Variants in TMEM163 observed in about 807,000 individuals in gnomAD.
The protein encoded by TMEM163 is transmembrane protein 163.
TMEM163 carries 17 observed loss-of-function variants against 29.3 expected under a neutral mutation model. The observed-to-expected ratio is 0.58, with a 90% CI of 0.40 to 0.87. The LOEUF is 0.87. Ranked by LOEUF, TMEM163 falls within the 40% of genes least tolerant of loss-of-function variation. The probability of loss-of-function intolerance (pLI) is 0.00; values close to 1 mark genes in which losing one functional copy is unlikely to be tolerated. For missense variants in TMEM163, 303 were observed against 381.5 expected (o/e 0.79, Z 1.71); for synonymous variants, 157 against 160.6 (o/e 0.98, Z 0.17).
intron 2 of TMEM163, among the ~76,000 whole-genome samples, chr2:134,692,002 A>C (rs1684479427): frequency 6.6e-6 from 1 of 152,262 alleles, no homozygotes; most frequent in East Asian, 1.9e-4. Flanking sequence ...GATGACCCTG[A>C]GTTATCCAGG....
At position 134,648,506 on chromosome 2, in the gene TMEM163, C is replaced by A. The variant is rs530972104; in HGVS notation, c.322+64694G>T. ...TTGAGGGTGGGGTGGTTGCTGGGGA[C>A]CCACCCTCTTCTGCCCAGAATTTCC... On this transcript the variant is annotated intron_variant, in intron 2 of 7. Coordinates refer to ENST00000281924, the MANE Select transcript of TMEM163 (RefSeq NM_030923.5). Among the ~76,000 whole-genome samples the A allele has an allele frequency of 2.0e-5, 3 of 152,140 alleles. No individual in the cohort carries two copies. In the East Asian group the frequency reaches 5.8e-4, roughly 29 times the overall value.
chr2:134,690,823 C>CTAATACTAGCAAAATGCAAAAA (rs1684448828), intron 2 of TMEM163, among the ~76,000 whole-genome samples: 2 of 152,286 alleles, frequency 1.3e-5, no homozygotes, highest in South Asian at 4.1e-4. Flanking sequence ...AGTGTAAAGC[C>CTAATACTAGCAAAATGCAAAAA]TAATACTAGC....
At chr2:134,643,372 C>T (rs1446685753) in intron 2 of TMEM163, among the ~76,000 whole-genome samples, 2 of 151,948 alleles carry the variant, frequency 1.3e-5, no homozygotes, top group African/African-American at 4.8e-5. Flanking sequence ...AATCTCCAGG[C>T]CCAGGTAGTT....
At chr2:134,619,672 C>T (rs564779567) in intron 2 of TMEM163, among the ~76,000 whole-genome samples, 7 of 152,310 alleles carry the variant, frequency 4.6e-5, no homozygotes, top group South Asian at 4.1e-4. Context: ...GATAAATGCT[C>T]TTGCCACACC....
At chr2:134,579,549 A>G (rs1681643530) in intron 2 of TMEM163, among the ~76,000 whole-genome samples, 1 of 152,214 alleles carries the variant, frequency 6.6e-6, no homozygotes. Context: ...TCTTGCTGTC[A>G]TCACCTAAAC....
intron 2 of TMEM163, among the ~76,000 whole-genome samples, chr2:134,563,094 A>G (rs1301181777): frequency 6.6e-6 from 1 of 152,228 alleles, no homozygotes; most frequent in Non-Finnish European, 1.5e-5. Flanking sequence ...CTTTCCTGAT[A>G]TTCTACACAC....
At chr2:134,610,152 A>C (rs924857581) in intron 2 of TMEM163, among the ~76,000 whole-genome samples, 2 of 152,164 alleles carry the variant, frequency 1.3e-5, no homozygotes, top group Non-Finnish European at 2.9e-5. Flanking sequence ...AGGAAGGGAG[A>C]AGAGATGGCC....
At chr2:134,498,448 C>G (rs1001148829) in intron 5 of TMEM163, among the ~76,000 whole-genome samples, 3 of 151,416 alleles carry the variant, frequency 2.0e-5, no homozygotes, top group African/African-American at 7.3e-5. Flanking sequence ...CTCAGCCTCC[C>G]GAGTAGCTGG....
At chr2:134,567,217 C>T (rs1003804439) in intron 2 of TMEM163, among the ~76,000 whole-genome samples, 1 of 152,186 alleles carries the variant, frequency 6.6e-6, no homozygotes, top group African/African-American at 2.4e-5. Flanking sequence ...CCACTTTCCA[C>T]ATAGCCACTG....
intron 4 of TMEM163, among the ~76,000 whole-genome samples, chr2:134,538,648 C>T (rs2106502346): frequency 6.6e-6 from 1 of 152,208 alleles, no homozygotes; most frequent in East Asian, 1.9e-4. Flanking sequence ...TACTGCCACA[C>T]CACACGCCAC....
chr2:134,609,906 T>C (rs1366110351), intron 2 of TMEM163, among the ~76,000 whole-genome samples: 1 of 151,026 alleles, frequency 6.6e-6, no homozygotes, highest in African/African-American at 2.4e-5. Context: ...CCCCGAGAAC[T>C]GTGCTGGTGA....
At chr2:134,517,474 C>T (rs1312109162) in intron 4 of TMEM163, among the ~76,000 whole-genome samples, 2 of 152,108 alleles carry the variant, frequency 1.3e-5, no homozygotes, top group African/African-American at 4.8e-5. Context: ...AGGCTTGCCG[C>T]GTAGACAAGC....
chr2:134,491,870 T>C (rs1679435737), intron 5 of TMEM163, among the ~76,000 whole-genome samples: 1 of 152,118 alleles, frequency 6.6e-6, no homozygotes, highest in African/African-American at 2.4e-5. Context: ...AGAGGACCAA[T>C]CAGAGACTCT....
At chr2:134,557,934 G>A (rs1681084648) in intron 2 of TMEM163, among the ~76,000 whole-genome samples, 1 of 152,052 alleles carries the variant, frequency 6.6e-6, no homozygotes, top group South Asian at 2.1e-4. Context: ...GGATTTGGGG[G>A]TCCTGAGATT....
chr2:134,468,924 T>A (rs909844900), intron 5 of TMEM163: 1 of 152,148 alleles, frequency 6.6e-6, no homozygotes, highest in Admixed American at 6.5e-5. Flanking sequence ...AAACAAACAC[T>A]TGGATCTCTG....
chr2:134,697,599 G>A (rs1684610400), intron 2 of TMEM163, among the ~76,000 whole-genome samples: 1 of 151,728 alleles, frequency 6.6e-6, no homozygotes, highest in South Asian at 2.1e-4. Context: ...CAAGTAGCTG[G>A]GATTACAGGT....
chr2:134,694,298 A>G (rs1237414851), intron 2 of TMEM163, among the ~76,000 whole-genome samples: 1 of 152,242 alleles, frequency 6.6e-6, no homozygotes, highest in Non-Finnish European at 1.5e-5. Context: ...TCGCTAAGTT[A>G]TTAGAATCCC....
At chr2:134,514,528 G>C (rs1463352426) in intron 4 of TMEM163, among the ~76,000 whole-genome samples, 1 of 151,934 alleles carries the variant, frequency 6.6e-6, no homozygotes, top group African/African-American at 2.4e-5. Context: ...TGCACTGAAA[G>C]CCATCCTGGG....
At chr2:134,566,335 G>A (rs1309109441) in intron 2 of TMEM163, among the ~76,000 whole-genome samples, 1 of 152,148 alleles carries the variant, frequency 6.6e-6, no homozygotes, top group Non-Finnish European at 1.5e-5. Flanking sequence ...AGCCTGAGGT[G>A]GGTGGATCAC....
Sources: gnomAD v4.1 joint callset for allele counts (sites outside exome capture counted in the v4.1 genomes callset) on GRCh38, gnomAD v4.1.1 for gene constraint, MANE v1.5 for transcripts, NCBI Gene and HGNC (gene_info 2026-07-23, HGNC 2026-07-21) for gene names.